The following APOD variants were observed in gnomAD, a reference collection of about 807,000 sequenced individuals.
APOD encodes the protein apolipoprotein D.
In APOD, 22 loss-of-function variants were observed where a neutral mutation model predicts 20.4. The observed-to-expected ratio is 1.08, with a 90% CI of 0.77 to 1.54. The LOEUF is 1.54. Among genes scored for constraint, APOD ranks in the 40% most tolerant of loss-of-function variants. The pLI is 0.00. For missense variants in APOD, 223 were observed against 229.6 expected, an observed-to-expected ratio of 0.97 and a Z score of 0.19; for synonymous variants, 97 against 92.4, an observed-to-expected ratio of 1.05 and a Z score of -0.29.
chr3:195,572,733 C>T (rs527560434), intron 3 of APOD, among the ~76,000 whole-genome samples: 61 of 152,116 alleles, frequency 4.0e-4, no homozygotes, highest in African/African-American at 8.2e-4. Flanking sequence ...GTAGGTTGGC[C>T]GGGCGTGGTG....
chr3:195,573,786 G>A lies in APOD; in HGVS notation c.245+64C>T, dbSNP rs969173879. Reference sequence around the variant, plus strand: ...CCCATCCTCCCTGACCCAGGCTGCCGGACACCCAGTCACTCTGCATCAGCA... The same window carrying A: ...CCCATCCTCCCTGACCCAGGCTGCCAGACACCCAGTCACTCTGCATCAGCA... On this transcript the variant is annotated intron_variant, in intron 3 of 4. Transcript: ENST00000343267. 83 of 1,576,704 alleles carry A rather than the reference G, an allele frequency of 5.3e-5. No individual in the cohort carries two copies. The Middle Eastern group carries it at 9.4e-4, about 18-fold the overall frequency.
chr3:195,578,156 T>G (rs1720276828), intron 2 of APOD, among the ~76,000 whole-genome samples: 2 of 152,260 alleles, frequency 1.3e-5, no homozygotes, highest in Non-Finnish European at 2.9e-5. Context: ...ATTTCCAAAG[T>G]GCTTTGGGAT....
intron 3 of APOD, 30 bp downstream of exon 3, chr3:195,573,820 G>T: frequency 6.2e-7 from 1 of 1,611,288 alleles, no homozygotes; most frequent in Non-Finnish European, 8.5e-7. Flanking sequence ...CACTCCGCAG[G>T]CCTGGCCCCG....
intron 2 of APOD, among the ~76,000 whole-genome samples, chr3:195,575,609 T>C (rs1720234879): frequency 6.6e-6 from 1 of 152,116 alleles, no homozygotes; most frequent in African/African-American, 2.4e-5. Context: ...GTAAATATAT[T>C]TATCTAGTTA....
chr3:195,576,298 C>T (rs1008350892), intron 2 of APOD, among the ~76,000 whole-genome samples: 12 of 152,216 alleles, frequency 7.9e-5, no homozygotes, highest in Admixed American at 5.9e-4. Flanking sequence ...TCAGAGCTTC[C>T]TTATGATCTC....
At chr3:195,569,588 G>A (rs768699774) in intron 4 of APOD, among the ~76,000 whole-genome samples, 2 of 152,010 alleles carry the variant, frequency 1.3e-5, no homozygotes, top group African/African-American at 4.8e-5. Context: ...GTCCAGTTCC[G>A]AAGAATAAAT....
chr3:195,568,985 G>C lies in APOD; in HGVS notation c.485C>G (p.Ser162Cys), dbSNP rs1720108350. The C allele has an allele frequency of 6.2e-7, 1 of 1,614,016 alleles. No individual in the cohort carries two copies. Among genetic ancestry groups the C allele is most frequent in the South Asian group, 1.1e-5 (1 of 91,088 alleles). The change falls in exon 5 of 5, where the codon TCT becomes TGT. Residue 162 changes from serine (S) to cysteine (C), a missense_variant. Physicochemically the swap from Ser to Cys is moderately radical, Grantham distance 112. Transcript: ENST00000343267. Reference protein sequence around the residue: ...NPNLPPETVDSLKNILTSNNI... With the variant: ...NPNLPPETVDCLKNILTSNNI... ...ATTAGAAGTCAGGATATTTTTTAGA[G>C]AGTCCACTGTTTCTGGAGGGAGATT...
chr3:195,579,523 G>A, intron 1 of APOD, 28 bp from the exon 2 acceptor site: 1 of 1,593,902 alleles, frequency 6.3e-7, no homozygotes, highest in East Asian at 2.2e-5. Flanking sequence ...AGCTGGGGTT[G>A]TCATTCTGAG....
chr3:195,581,003 G>A (rs1392626522), intron 1 of APOD, among the ~76,000 whole-genome samples: 1 of 152,202 alleles, frequency 6.6e-6, no homozygotes, highest in African/African-American at 2.4e-5. Context: ...CTGTAATGAT[G>A]ATGACTGATG....
rs1406815384 is a variant in APOD, at chr3:195,577,768, G to A, written c.123+1571C>T. Among the ~76,000 whole-genome samples the A allele has an allele frequency of 2.6e-5, 4 of 152,192 alleles. No individual in the cohort carries two copies. In the South Asian group the frequency reaches 6.2e-4, roughly 24 times the overall value. On this transcript the variant is annotated intron_variant, in intron 2 of 4. Coordinates refer to ENST00000343267, the MANE Select transcript of APOD (RefSeq NM_001647.4). The stretch of plus-strand genomic sequence containing the variant: ...ATAGTATTGATACATGCTACAACGT[G>A]GATGAACCTTGAAAACGTTCAGTAA...
intron 2 of APOD, among the ~76,000 whole-genome samples, chr3:195,576,745 G>A (rs1178939747): frequency 6.6e-6 from 1 of 152,080 alleles, no homozygotes; most frequent in African/African-American, 2.4e-5. Flanking sequence ...GGGAGGCAGA[G>A]GTTGCAGTGA....
chr3:195,579,865 C>T (rs1176330305), intron 1 of APOD, among the ~76,000 whole-genome samples: 1 of 152,150 alleles, frequency 6.6e-6, no homozygotes. Context: ...ACAGAAACAG[C>T]GTGGAGAGGG....
At position 195,568,837 on chromosome 3, in the gene APOD, G is replaced by GGGAGGT. The variant is rs1553889307; in HGVS notation, c.*62_*63insACCTCC. On this transcript the variant is annotated 3_prime_UTR_variant, in exon 5 of 5. Transcript: ENST00000343267. Reference sequence around the variant, plus strand: ...GTTGATTGGTTTGTCTTTATGGGGGGGGGGTAGGGGAAAGCGAAGCAGAAG... The same window carrying GGGAGGT: ...GTTGATTGGTTTGTCTTTATGGGGGGGGAGGTGGGGTAGGGGAAAGCGAAGCAGAAG... The GGGAGGT allele has an allele frequency of 5.4e-5, 53 of 983,030 alleles. 1 individual carries two copies. The African/African-American group carries it at 8.9e-4, about 17-fold the overall frequency. 60.9% of individuals were successfully genotyped at this position (983,030 alleles called of 1,614,324 possible). A position where few individuals can be genotyped will look rare whatever the true frequency, so the allele number is the denominator to read the frequency against.
Position 195,568,954 on chromosome 3 carries a change from A to G in APOD, c.516T>C (p.Ile172=). 6.2e-7 allele frequency: 1 copy of G among 1,614,082 alleles called. No homozygotes were observed. The highest frequency in any genetic ancestry group is 8.5e-7 in the Non-Finnish European group (1 of 1,179,992). Residue 172 remains isoleucine, a synonymous_variant, in exon 5 of 5, where the codon ATT becomes ATC. Transcript: ENST00000343267. Reference sequence around the variant, plus strand: ...CTGTGACCGTCATTTTCTTGACATCAATGTTATTAGAAGTCAGGATATTTT... The same window carrying G: ...CTGTGACCGTCATTTTCTTGACATCGATGTTATTAGAAGTCAGGATATTTT... ...SLKNILTSNN[I]DVKKMTVTDQ...
chr3:195,576,246 A>G (rs1156861794), intron 2 of APOD, among the ~76,000 whole-genome samples: 1 of 152,234 alleles, frequency 6.6e-6, no homozygotes, highest in Non-Finnish European at 1.5e-5. Context: ...AGTGCCCCAT[A>G]GTAAAAACCA....
chr3:195,574,048 G>A, intron 2 of APOD, 77 bp from the exon 3 acceptor site: 8 of 1,572,590 alleles, frequency 5.1e-6, no homozygotes, highest in East Asian at 2.3e-5. Context: ...TCGTGCAGAC[G>A]CAGAGCCCTG....
intron 3 of APOD, 60 bp downstream of exon 3, chr3:195,573,790 A>AC: frequency 6.3e-7 from 1 of 1,583,978 alleles, no homozygotes; most frequent in East Asian, 2.3e-5. Flanking sequence ...GCTGCCGGAC[A>AC]CCCAGTCACT....
intron 1 of APOD, among the ~76,000 whole-genome samples, chr3:195,581,909 T>G (rs1720344669): frequency 6.6e-6 from 1 of 152,130 alleles, no homozygotes; most frequent in African/African-American, 2.4e-5. Context: ...GTGCGGTGGC[T>G]CAAGCCTGTA....
chr3:195,571,259 G>T lies in APOD; in HGVS notation c.334+18C>A, dbSNP rs1442268415. ...TATTTCCTGTCCCTGAATCCTCCTGGGAAAAGTGGATACTTACACCAGGAA... is the reference window on the plus strand; with the variant it reads ...TATTTCCTGTCCCTGAATCCTCCTGTGAAAAGTGGATACTTACACCAGGAA... On this transcript the variant is annotated intron_variant, in intron 4 of 4. Transcript: ENST00000343267. 8 of 1,610,786 alleles carry T rather than the reference G, an allele frequency of 5.0e-6. No individual in the cohort carries two copies. The highest frequency in any genetic ancestry group is 6.8e-6 in the Non-Finnish European group (8 of 1,177,124).
Sources: allele counts gnomAD v4.1 joint callset (sites outside exome capture counted in the v4.1 genomes callset), GRCh38; gene constraint gnomAD v4.1.1; transcripts MANE v1.5; gene names NCBI Gene and HGNC (gene_info 2026-07-23, HGNC 2026-07-21).